The following STX5 variants were observed in gnomAD, a reference collection of about 807,000 sequenced individuals.
The protein encoded by STX5 is syntaxin-5.
Under a neutral mutation model 42.9 loss-of-function variants are expected in STX5, and 15 were observed. The ratio of observed to expected loss-of-function variants is 0.35; its 90% CI spans 0.23 to 0.54. STX5 has a LOEUF of 0.54. STX5 is among the 20% of genes least tolerant of loss of function. The pLI is 0.91. For missense variants in STX5, 430 were observed against 455.0 expected, an observed-to-expected ratio of 0.95 and a Z score of 0.50; for synonymous variants, 184 against 173.2, an observed-to-expected ratio of 1.06 and a Z score of -0.49.
intron 10 of STX5, among the ~76,000 whole-genome samples, chr11:62,814,534 C>G (rs1324898408): frequency 6.6e-6 from 1 of 151,696 alleles, no homozygotes; most frequent in Admixed American, 6.6e-5. Context: ...GTGATCTCGG[C>G]TCACCCAACT....
Position 62,810,033 on chromosome 11 carries a change from C to T in STX5, c.909-2405G>A, listed in dbSNP as rs780312875. ...AGGAGAACCACTTGAACCCGGGAGG[C>T]GGAGATTGCAGTGAGCTGAGATCTC... is the stretch of plus-strand genomic sequence containing the variant. On this transcript the variant is annotated intron_variant, in intron 10 of 10. Transcript: ENST00000294179. Among the ~76,000 whole-genome samples, 6 of 137,568 alleles carry T rather than the reference C, an allele frequency of 4.4e-5. No homozygotes were observed. In the East Asian group the frequency reaches 9.1e-4, roughly 21 times the overall value. The allele number at this position is 137,568 out of a possible 152,430, so 90.2% of individuals were successfully genotyped here.
At chr11:62,827,260 G>C (rs1416253309) in intron 4 of STX5, 35 bp from the exon 5 acceptor site, 1 of 1,613,866 alleles carries the variant, frequency 6.2e-7, no homozygotes, top group African/African-American at 1.3e-5. Flanking sequence ...AATGGGTGAG[G>C]TCAAGGACAA....
Position 62,818,865 on chromosome 11 carries a change from T to TA in STX5, c.908+5300dup, listed in dbSNP as rs1215211304. Among the ~76,000 whole-genome samples, 34 of 141,112 alleles carry TA rather than the reference T, an allele frequency of 2.4e-4. 1 individual carries two copies. The highest frequency in any genetic ancestry group is 7.1e-5 in the Admixed American group (1 of 14,002). 92.6% of individuals were successfully genotyped at this position (141,112 alleles called of 152,430 possible). ...TCTCAGGAAAAAATAAATAAAAAGT[T>TA]AAAAAAAAGAAAAAACAACTGTATA... On this transcript the variant is annotated intron_variant, in intron 10 of 10. Coordinates refer to ENST00000294179, the MANE Select transcript of STX5 (RefSeq NM_003164.5).
intron 10 of STX5, among the ~76,000 whole-genome samples, chr11:62,813,075 C>G (rs1223022253): frequency 7.5e-6 from 1 of 134,038 alleles, no homozygotes; most frequent in African/African-American, 2.9e-5. Flanking sequence ...GCCTGGGTGG[C>G]AGAGTGAGAC....
intron 5 of STX5, among the ~76,000 whole-genome samples, chr11:62,826,611 G>C (rs968431496): frequency 6.7e-6 from 1 of 148,548 alleles, no homozygotes; most frequent in African/African-American, 2.5e-5. Flanking sequence ...TATTACAGTC[G>C]AGTGCAGTGG....
intron 10 of STX5, among the ~76,000 whole-genome samples, chr11:62,821,826 G>A (rs956058806): frequency 6.6e-6 from 1 of 152,038 alleles, no homozygotes; most frequent in Non-Finnish European, 1.5e-5. Flanking sequence ...AAGAGATTAA[G>A]ACCATCCTGG....
intron 10 of STX5, among the ~76,000 whole-genome samples, chr11:62,812,835 G>A (rs1014915960): frequency 2.0e-5 from 3 of 151,730 alleles, no homozygotes; most frequent in Admixed American, 6.6e-5. Flanking sequence ...CAATTAGGCC[G>A]GGTGCGGTGG....
chr11:62,831,356 C>T lies in STX5; in HGVS notation c.-19-94G>A. 12 of 974,598 alleles carry T rather than the reference C, an allele frequency of 1.2e-5. No individual in the cohort carries two copies. The Admixed American group carries it at 1.4e-4, about 11-fold the overall frequency. 60.4% of individuals were successfully genotyped at this position (974,598 alleles called of 1,614,324 possible). A position where few individuals can be genotyped will look rare whatever the true frequency, so the allele number is the denominator to read the frequency against. On this transcript the variant is annotated intron_variant, in intron 1 of 10. Coordinates refer to ENST00000294179, the MANE Select transcript of STX5 (RefSeq NM_003164.5). ...TCAACAAATCCCCGAGCCCCTTCTGCACTTCTCGTGGACTTTCGCGCCCAG... is the reference window on the plus strand; with the variant it reads ...TCAACAAATCCCCGAGCCCCTTCTGTACTTCTCGTGGACTTTCGCGCCCAG...
chr11:62,810,811 G>A (rs1272107663), intron 10 of STX5, among the ~76,000 whole-genome samples: 1 of 152,138 alleles, frequency 6.6e-6, no homozygotes, highest in Non-Finnish European at 1.5e-5. Context: ...TTTTAAAGAT[G>A]GCATCCTTTC....
intron 10 of STX5, among the ~76,000 whole-genome samples, chr11:62,810,392 T>C (rs1050154462): frequency 6.6e-6 from 1 of 152,260 alleles, no homozygotes; most frequent in African/African-American, 2.4e-5. Context: ...CAGTGAGCCA[T>C]TATTGCGCTA....
chr11:62,808,817 T>C (rs1486224973), intron 10 of STX5, among the ~76,000 whole-genome samples: 2 of 152,222 alleles, frequency 1.3e-5, no homozygotes, highest in Admixed American at 6.5e-5. Context: ...AAGTGCCTAC[T>C]AATGTAATCA....
At chr11:62,826,802 C>T (rs915211482) in intron 5 of STX5, among the ~76,000 whole-genome samples, 3 of 150,874 alleles carry the variant, frequency 2.0e-5, no homozygotes, top group Admixed American at 6.6e-5. Context: ...ATCGCTTGCA[C>T]CTGGGAGGTG....
At position 62,831,278 on chromosome 11, in the gene STX5, G is replaced by A. The variant is rs1235110013; in HGVS notation, c.-19-16C>T. On this transcript the variant is annotated splice_polypyrimidine_tract_variant and intron_variant, in intron 1 of 10. Coordinates refer to ENST00000294179, the MANE Select transcript of STX5 (RefSeq NM_003164.5). ...TAACCTCGGACTGTTGTGGAGGGGA[G>A]AGTGTCATTCCCCAGGCAACTTCTT... 1 of 1,510,296 alleles carries A rather than the reference G, an allele frequency of 6.6e-7. No homozygotes were observed. Among genetic ancestry groups the A allele is most frequent in the Admixed American group, 2.0e-5 (1 of 50,964 alleles). The allele number at this position is 1,510,296 out of a possible 1,614,324, so 93.6% of individuals were successfully genotyped here. A position where few individuals can be genotyped will look rare whatever the true frequency, so the allele number is the denominator to read the frequency against.
At chr11:62,816,629 G>A (rs975813021) in intron 10 of STX5, among the ~76,000 whole-genome samples, 3 of 148,690 alleles carry the variant, frequency 2.0e-5, no homozygotes, top group African/African-American at 7.5e-5. Context: ...CCTCCTATCA[G>A]CTATTACTCC....
chr11:62,816,429 T>C (rs530187453), intron 10 of STX5, among the ~76,000 whole-genome samples: 2 of 152,234 alleles, frequency 1.3e-5, no homozygotes, highest in South Asian at 4.1e-4. Context: ...ACTACAGGCA[T>C]GTCACCATGC....
At chr11:62,822,520 C>T (rs1368150479) in intron 10 of STX5, among the ~76,000 whole-genome samples, 1 of 152,152 alleles carries the variant, frequency 6.6e-6, no homozygotes, top group Non-Finnish European at 1.5e-5. Flanking sequence ...CTCTGCTGTC[C>T]TTTAACTCAT....
intron 10 of STX5, among the ~76,000 whole-genome samples, chr11:62,822,808 T>C (rs1590971539): frequency 6.6e-6 from 1 of 152,122 alleles, no homozygotes; most frequent in Non-Finnish European, 1.5e-5. Flanking sequence ...TGTCCACTGC[T>C]ATATTCCCAT....
At chr11:62,814,622 C>T (rs2084653407) in intron 10 of STX5, among the ~76,000 whole-genome samples, 1 of 151,218 alleles carries the variant, frequency 6.6e-6, no homozygotes, top group Admixed American at 6.6e-5. Context: ...CCACCACGCT[C>T]AGCTAATTTT....
intron 2 of STX5, chr11:62,830,429 C>T (rs1003258024): frequency 2.3e-6 from 1 of 427,552 alleles, no homozygotes; most frequent in African/African-American, 2.1e-5. Flanking sequence ...TCCATGTAGT[C>T]CCAGCTGCTC....
Sources: allele counts gnomAD v4.1 joint callset (sites outside exome capture counted in the v4.1 genomes callset), GRCh38; gene constraint gnomAD v4.1.1; transcripts MANE v1.5; gene names NCBI Gene and HGNC (gene_info 2026-07-23, HGNC 2026-07-21).